NUP153: variants seen among roughly 807,000 people sequenced by gnomAD.
NUP153 encodes nuclear pore complex protein Nup153.
In NUP153, 27 loss-of-function variants were observed where a neutral mutation model predicts 134.6. The ratio of observed to expected loss-of-function variants is 0.20; its 90% CI spans 0.15 to 0.28. The LOEUF is 0.28. Among genes scored for constraint, NUP153 ranks in the 10% least tolerant of loss-of-function variants. The pLI, the probability that NUP153 is intolerant of heterozygous loss-of-function variation, is 1.00. For missense variants in NUP153, 1,821 were observed against 1,731.3 expected (o/e 1.05, Z -0.92); for synonymous variants, 640 against 623.5 (o/e 1.03, Z -0.40).
chr6:17,667,324 A>G (rs914076650), intron 8 of NUP153, among the ~76,000 whole-genome samples: 1 of 152,218 alleles, frequency 6.6e-6, no homozygotes, highest in African/African-American at 2.4e-5. Flanking sequence ...ATTACAGATA[A>G]TAATTTATCA....
At chr6:17,630,280 G>A (rs111369102) in intron 17 of NUP153, among the ~76,000 whole-genome samples, 2,103 of 152,228 alleles carry the variant, frequency 0.014, 58 homozygotes, top group African/African-American at 0.048. Flanking sequence ...TAAATCTTGT[G>A]AATAAATGTG....
intron 5 of NUP153, among the ~76,000 whole-genome samples, chr6:17,673,608 G>A (rs568791932): frequency 4.9e-4 from 75 of 152,242 alleles, no homozygotes; most frequent in African/African-American, 1.7e-3. Context: ...GAAAAGACAT[G>A]CAACATCATT....
chr6:17,696,129 A>G (rs1769628193), intron 1 of NUP153, among the ~76,000 whole-genome samples: 1 of 152,310 alleles, frequency 6.6e-6, no homozygotes, highest in East Asian at 1.9e-4. Context: ...ACTGTCTCAA[A>G]ACAAACAAAC....
chr6:17,654,113 C>T lies in NUP153; in HGVS notation c.1396-4813G>A, dbSNP rs537433189. On this transcript the variant is annotated intron_variant, in intron 11 of 21. Coordinates refer to ENST00000262077, the MANE Select transcript of NUP153 (RefSeq NM_005124.4). ...TGTATACGCTGCACAGTTCTTTCAACATTTCATGTTTGAAATTTGTCATAA... is the reference window on the plus strand; with the variant it reads ...TGTATACGCTGCACAGTTCTTTCAATATTTCATGTTTGAAATTTGTCATAA... Among the ~76,000 whole-genome samples, 37 of 152,282 alleles carry T rather than the reference C, an allele frequency of 2.4e-4. 1 individual carries two copies. In the South Asian group the frequency reaches 7.7e-3, roughly 32 times the overall value.
rs539537469 is a variant in NUP153 at position 17,694,721 on chromosome 6, A to G, written c.112-6103T>C. Among the ~76,000 whole-genome samples the G allele has an allele frequency of 2.6e-5, 4 of 152,082 alleles. No homozygotes were observed. In the South Asian group the frequency reaches 6.2e-4, roughly 24 times the overall value. On this transcript the variant is annotated intron_variant, in intron 1 of 21. Transcript: ENST00000262077. ...GCTGGGGCCACGGTGGCTTACTCCT[A>G]TAAGCCCAGCGCTTTGGGAGGCTGA...
chr6:17,667,286 A>G (rs1767591969), intron 8 of NUP153, among the ~76,000 whole-genome samples: 1 of 152,226 alleles, frequency 6.6e-6, no homozygotes, highest in South Asian at 2.1e-4. Context: ...AAAAAGTTCA[A>G]TATTAGCTTT....
chr6:17,697,742 C>A (rs1318866760), intron 1 of NUP153, among the ~76,000 whole-genome samples: 1 of 150,474 alleles, frequency 6.6e-6, no homozygotes, highest in African/African-American at 2.5e-5. Context: ...CTCTATAACA[C>A]TAACTCAGAA....
intron 7 of NUP153, 64 bp downstream of exon 7, chr6:17,669,229 C>T (rs1767744440): frequency 1.4e-6 from 2 of 1,382,374 alleles, no homozygotes; most frequent in Non-Finnish European, 2.0e-6. Context: ...CAGGTGTGCA[C>T]CACCACACCC....
At chr6:17,679,745 G>A (rs1248829170) in intron 2 of NUP153, among the ~76,000 whole-genome samples, 1 of 152,140 alleles carries the variant, frequency 6.6e-6, no homozygotes, top group Non-Finnish European at 1.5e-5. Context: ...CCTCGCTGAT[G>A]TTACACATGC....
chr6:17,640,237 G>A (rs1765765652), intron 14 of NUP153, among the ~76,000 whole-genome samples, 173 bp from the exon 15 acceptor site: 1 of 152,040 alleles, frequency 6.6e-6, no homozygotes, highest in African/African-American at 2.4e-5. Context: ...CCATTACAAG[G>A]AGATAAAAAC....
At chr6:17,661,519 G>A in intron 11 of NUP153, 134 bp downstream of exon 11, 1 of 757,544 alleles carries the variant, frequency 1.3e-6, no homozygotes, top group Non-Finnish European at 1.9e-6. Flanking sequence ...CATGCATTTT[G>A]AAAGAACTGA....
At chr6:17,629,985 T>C (rs1231707082) in intron 17 of NUP153, among the ~76,000 whole-genome samples, 1 of 152,220 alleles carries the variant, frequency 6.6e-6, no homozygotes, top group Non-Finnish European at 1.5e-5. Flanking sequence ...AAATGCCATA[T>C]GCAATCCAGG....
At chr6:17,650,354 G>A (rs1262644758) in intron 11 of NUP153, among the ~76,000 whole-genome samples, 4 of 152,148 alleles carry the variant, frequency 2.6e-5, no homozygotes, top group African/African-American at 4.8e-5. Flanking sequence ...ATGCAGAAAT[G>A]AAGAGCCACA....
At chr6:17,701,841 G>GGGA (rs1554148722) in intron 1 of NUP153, among the ~76,000 whole-genome samples, 1 of 103,180 alleles carries the variant, frequency 9.7e-6, no homozygotes, top group Non-Finnish European at 2.1e-5. Context: ...TCGGGGGGGG[G>GGGA]GGGAAAAAAG....
At chr6:17,702,303 C>G (rs557376178) in intron 1 of NUP153, among the ~76,000 whole-genome samples, 4 of 152,094 alleles carry the variant, frequency 2.6e-5, no homozygotes, top group African/African-American at 9.6e-5. Flanking sequence ...GTCAGGAGAT[C>G]GAGAACATCC....
chr6:17,628,265 A>C lies in NUP153; in HGVS notation c.3544+390T>G, dbSNP rs1765045615. Among the ~76,000 whole-genome samples the C allele has an allele frequency of 6.6e-6, 1 of 152,172 alleles. No individual in the cohort carries two copies. Among genetic ancestry groups the C allele is most frequent in the African/African-American group, 2.4e-5 (1 of 41,446 alleles). ...TGTTTGATGAGGACTGGTTATCTGT[A>C]ACTATTTGTAAATAAAGGCCTTCCC... On this transcript the variant is annotated intron_variant, in intron 18 of 21. Coordinates refer to ENST00000262077, the MANE Select transcript of NUP153 (RefSeq NM_005124.4). This position sits in a 1 kb window ranked among gnomAD's most constrained non-coding sequence, Gnocchi z 5.4.
chr6:17,701,832 C>T (rs55765085), intron 1 of NUP153, among the ~76,000 whole-genome samples: 10 of 44,418 alleles, frequency 2.3e-4, no homozygotes, highest in East Asian at 5.3e-4. Flanking sequence ...GACTCTGTCT[C>T]GGGGGGGGGG....
chr6:17,646,918 C>CAT (rs1766219431), intron 13 of NUP153, among the ~76,000 whole-genome samples: 3 of 131,116 alleles, frequency 2.3e-5, no homozygotes, highest in Non-Finnish European at 4.8e-5. Flanking sequence ...TCTGTATTTT[C>CAT]TTTTTTTTTT....
chr6:17,641,978 ACT>A (rs1467747636), intron 14 of NUP153, among the ~76,000 whole-genome samples: 1 of 152,252 alleles, frequency 6.6e-6, no homozygotes, highest in Admixed American at 6.5e-5. Flanking sequence ...AATGAAATAT[ACT>A]AATAACCAAG....
Sources: gnomAD v4.1 joint callset for allele counts (sites outside exome capture counted in the v4.1 genomes callset) on GRCh38, gnomAD v4.1.1 for gene constraint, Gnocchi (gnomAD v3.1) non-coding constraint, MANE v1.5 for transcripts, NCBI Gene and HGNC (gene_info 2026-07-23, HGNC 2026-07-21) for gene names.